The following PRR7 variants were observed in gnomAD, a reference collection of about 807,000 sequenced individuals.
PRR7 encodes the protein proline rich 7, synaptic.
PRR7 carries 8 observed loss-of-function variants against 18.5 expected under a neutral mutation model. The ratio of observed to expected loss-of-function variants is 0.43; its 90% CI spans 0.25 to 0.78. PRR7 has a LOEUF of 0.78. Among genes scored for constraint, PRR7 ranks in the 30% least tolerant of loss-of-function variants. PRR7 has a pLI of 0.22. For synonymous variants in PRR7, 221 were observed against 187.7 expected (o/e 1.18, Z -1.45); for missense variants, 396 against 403.1 (o/e 0.98, Z 0.15).
Position 177,456,239 on chromosome 5 carries a change from TTG to T in PRR7, c.*120_*121del, listed in dbSNP as rs1251400209. 2 of 1,006,580 alleles carry T rather than the reference TTG, an allele frequency of 2.0e-6. No homozygotes were observed. Among genetic ancestry groups the T allele is most frequent in the Non-Finnish European group, 2.7e-6 (2 of 728,854 alleles). The allele number at this position is 1,006,580 out of a possible 1,614,324, so 62.4% of individuals were successfully genotyped here. ...GGGAGGGAGGGATTTCTTATCCCGT[TTG>T]TTACATTTTGAGGATAATAAAGGTG... On this transcript the variant is annotated 3_prime_UTR_variant, in exon 4 of 4. Transcript: ENST00000323249.
At chr5:177,448,104 A>G (rs1317510918) in intron 1 of PRR7, among the ~76,000 whole-genome samples, 1 of 152,238 alleles carries the variant, frequency 6.6e-6, no homozygotes, top group African/African-American at 2.4e-5. Context: ...GGCCTGACTC[A>G]GCAGATGCCA....
Position 177,455,643 on chromosome 5 carries a change from GCGGGC to G in PRR7, c.428-80_428-76del. On this transcript the variant is annotated intron_variant, in intron 3 of 3. Transcript: ENST00000323249. This position sits in a 1 kb window ranked among gnomAD's most constrained non-coding sequence, Gnocchi z 6.9. The stretch of plus-strand genomic sequence containing the variant: ...CTCGGGTTCGGGCTAGGGCTGGGGC[GCGGGC>G]GGCCCCTGGCCGGGGCCTCTGCGAG... 7.0e-7 allele frequency: 1 copy of G among 1,422,496 alleles called. No homozygotes were observed. The highest frequency in any genetic ancestry group is 2.2e-4 in the Middle Eastern group (1 of 4,644). The allele number at this position is 1,422,496 out of a possible 1,614,324, so 88.1% of individuals were successfully genotyped here.
chr5:177,455,490 C>A lies in PRR7; in HGVS notation c.423C>A (p.Arg141=). ...SVPPRPWSYP[R]QAESDMSKPP... is the part of the protein sequence containing the mutation. ...CGCCACGGCCCTGGAGCTACCCGCG[C>A]CAAGGTGAGTACCGACCTCCGCCAG... Residue 141 remains arginine (R), a synonymous_variant, in exon 3 of 4, where the codon CGC becomes CGA. Coordinates refer to ENST00000323249, the MANE Select transcript of PRR7 (RefSeq NM_030567.5). The surrounding 1 kb of genome is among the most constrained non-coding windows in gnomAD (Gnocchi z 6.9). The A allele has an allele frequency of 6.7e-7, 1 of 1,496,538 alleles. No individual in the cohort carries two copies. Among genetic ancestry groups the A allele is most frequent in the South Asian group, 1.3e-5 (1 of 78,894 alleles). The allele number at this position is 1,496,538 out of a possible 1,614,324, so 92.7% of individuals were successfully genotyped here. A position where few individuals can be genotyped will look rare whatever the true frequency, so the allele number is the denominator to read the frequency against.
upstream of PRR7, chr5:177,446,651 TC>T (rs34476120): frequency 0.024 from 3,647 of 152,136 alleles, 67 homozygotes; most frequent in Admixed American, 0.033. The surrounding 1 kb of genome is among the most constrained non-coding windows in gnomAD (Gnocchi z 5.3). Context: ...GAACCGGGTC[TC>T]GGCGCCGCAG....
In PRR7 at chr5:177,455,621, G is replaced by C. The variant is rs1274023657; in HGVS notation, c.428-103G>C. On this transcript the variant is annotated intron_variant, in intron 3 of 3. Coordinates refer to ENST00000323249, the MANE Select transcript of PRR7 (RefSeq NM_030567.5). This position sits in a 1 kb window ranked among gnomAD's most constrained non-coding sequence, Gnocchi z 6.9. ...GGAGAACACGGGCGGCGGCGGGCTC[G>C]GGTTCGGGCTAGGGCTGGGGCGCGG... 5 of 1,400,684 alleles carry C rather than the reference G, an allele frequency of 3.6e-6. No homozygotes were observed. The highest frequency in any genetic ancestry group is 4.6e-6 in the Non-Finnish European group (5 of 1,077,772). 86.8% of individuals were successfully genotyped at this position (1,400,684 alleles called of 1,614,324 possible).
At position 177,454,490 on chromosome 5, in the gene PRR7, C is replaced by CA. The variant is rs1481048008; in HGVS notation, c.-239-338dup. Among the ~76,000 whole-genome samples, 1 of 152,160 alleles carries CA rather than the reference C, an allele frequency of 6.6e-6. No individual in the cohort carries two copies. Among genetic ancestry groups the CA allele is most frequent in the African/African-American group, 2.4e-5 (1 of 41,454 alleles). On this transcript the variant is annotated intron_variant, in intron 2 of 3. Transcript: ENST00000323249. The surrounding 1 kb of genome is among the most constrained non-coding windows in gnomAD (Gnocchi z 4.7). ...GACGCCTCTTCAGGGACCTGGTGCG[C>CA]ACAGGCTCCTGAAACCCTTTGGCCC...
Position 177,450,858 on chromosome 5 carries a change from C to A in PRR7, c.-324-3098C>A, listed in dbSNP as rs1049482875. On this transcript the variant is annotated intron_variant, in intron 1 of 3. Transcript: ENST00000323249. The surrounding 1 kb of genome is among the most constrained non-coding windows in gnomAD (Gnocchi z 6.6). ...CTGAATCCAGTACTGGGAATGGAGC[C>A]CAGCACTGTTTTAACAGCCTCCACG... 2.6e-5 allele frequency among the ~76,000 whole-genome samples: 4 copies of A among 152,206 alleles called. No homozygotes were observed. The highest frequency in any genetic ancestry group is 2.0e-4 in the Admixed American group (3 of 15,284).
intron 1 of PRR7, among the ~76,000 whole-genome samples, chr5:177,452,006 G>A (rs1433907410): frequency 6.6e-6 from 1 of 152,198 alleles, no homozygotes; most frequent in Non-Finnish European, 1.5e-5. Flanking sequence ...CTCACCAAGG[G>A]TCTCGCTTTC....
chr5:177,456,132 G>A lies in PRR7; in HGVS notation c.*11G>A, dbSNP rs942906520. The stretch of plus-strand genomic sequence containing the variant: ...ACTACAGCCGTATAGAGGGGCGCCC[G>A]GCGCCCCGGGCCCCACCGGCGGACT... On this transcript the variant is annotated 3_prime_UTR_variant, in exon 4 of 4. Coordinates refer to ENST00000323249, the MANE Select transcript of PRR7 (RefSeq NM_030567.5). 2.8e-6 allele frequency: 4 copies of A among 1,421,458 alleles called. No homozygotes were observed. The highest frequency in any genetic ancestry group is 1.5e-5 in the African/African-American group (1 of 66,752). The allele number at this position is 1,421,458 out of a possible 1,614,324, so 88.1% of individuals were successfully genotyped here. A position where few individuals can be genotyped will look rare whatever the true frequency, so the allele number is the denominator to read the frequency against.
At position 177,456,255 on chromosome 5, in the gene PRR7, A is replaced by C; in HGVS notation, c.*134A>C. On this transcript the variant is annotated 3_prime_UTR_variant, in exon 4 of 4. Coordinates refer to ENST00000323249, the MANE Select transcript of PRR7 (RefSeq NM_030567.5). ...TTATCCCGTTTGTTACATTTTGAGG[A>C]TAATAAAGGTGTGTGATCTGGTTTG... is the stretch of plus-strand genomic sequence containing the variant. 1.8e-5 allele frequency: 20 copies of C among 1,131,466 alleles called. No individual in the cohort carries two copies. Among genetic ancestry groups the C allele is most frequent in the Non-Finnish European group, 2.3e-5 (19 of 843,740 alleles). The allele number at this position is 1,131,466 out of a possible 1,614,324, so 70.1% of individuals were successfully genotyped here.
Position 177,456,011 on chromosome 5 carries a change from G to C in PRR7, c.715G>C (p.Val239Leu). 6.3e-7 allele frequency: 1 copy of C among 1,580,932 alleles called. No homozygotes were observed. The highest frequency in any genetic ancestry group is 8.6e-7 in the Non-Finnish European group (1 of 1,168,680). The change falls in exon 4 of 4, where the codon GTC becomes CTC. Residue 239 changes from valine to leucine, a missense_variant. Physicochemically the swap from Val to Leu is conservative, Grantham distance 32. Coordinates refer to ENST00000323249, the MANE Select transcript of PRR7 (RefSeq NM_030567.5). ...LCLQADRGRR[V>L]FPSWTDSELS... ...CCTGCAGGCCGACCGTGGCCGCCGG[G>C]TCTTCCCCAGCTGGACCGACTCAGA...
At position 177,449,857 on chromosome 5, in the gene PRR7, G is replaced by A. The variant is rs1756102711; in HGVS notation, c.-325+2897G>A. Among the ~76,000 whole-genome samples, 3 of 152,138 alleles carry A rather than the reference G, an allele frequency of 2.0e-5. No homozygotes were observed. Among genetic ancestry groups the A allele is most frequent in the Admixed American group, 6.5e-5 (1 of 15,284 alleles). On this transcript the variant is annotated intron_variant, in intron 1 of 3. Coordinates refer to ENST00000323249, the MANE Select transcript of PRR7 (RefSeq NM_030567.5). This position sits in a 1 kb window ranked among gnomAD's most constrained non-coding sequence, Gnocchi z 4.2. ...CAGTACCCTGGCCTAGGCGGAGGGC[G>A]GTTCTGGCCAGCTCCAAGCCTGGCT...
At chr5:177,447,344 G>T (rs908824854) in intron 1 of PRR7, among the ~76,000 whole-genome samples, 3 of 152,132 alleles carry the variant, frequency 2.0e-5, no homozygotes, top group Non-Finnish European at 2.9e-5. Context: ...CGCCCCTCTG[G>T]CCCGGCTGGG....
At position 177,454,976 on chromosome 5, in the gene PRR7, C is replaced by A; in HGVS notation, c.-92C>A. On this transcript the variant is annotated 5_prime_UTR_variant, in exon 3 of 4. Transcript: ENST00000323249. The surrounding 1 kb of genome is among the most constrained non-coding windows in gnomAD (Gnocchi z 4.7). ...GCCGCGGGTCCCCGAGTGACGCTGG[C>A]GGCACCTGAGAGTGTGGCGCGGGCC... 1 of 1,342,300 alleles carries A rather than the reference C, an allele frequency of 7.4e-7. No individual in the cohort carries two copies. The highest frequency in any genetic ancestry group is 2.2e-5 in the South Asian group (1 of 45,194). 83.1% of individuals were successfully genotyped at this position (1,342,300 alleles called of 1,614,324 possible).
chr5:177,453,254 G>C (rs1756241495), intron 1 of PRR7, among the ~76,000 whole-genome samples: 1 of 152,234 alleles, frequency 6.6e-6, no homozygotes. Flanking sequence ...TTCCTGCCTG[G>C]CAGACCGGGG....
intron 1 of PRR7, among the ~76,000 whole-genome samples, chr5:177,452,424 C>T (rs117845735): frequency 6.6e-6 from 1 of 152,310 alleles, no homozygotes; most frequent in East Asian, 1.9e-4. Context: ...CAAGTCTGGC[C>T]TGGTCAGGTA....
Position 177,455,759 on chromosome 5 carries a change from G to A in PRR7, c.463G>A (p.Glu155Lys). Residue 155 changes from glutamate to lysine, a missense_variant, in exon 4 of 4, where the codon GAG (glutamate) becomes AAG (lysine). Coordinates refer to ENST00000323249, the MANE Select transcript of PRR7 (RefSeq NM_030567.5). The surrounding 1 kb of genome is among the most constrained non-coding windows in gnomAD (Gnocchi z 6.9). ...CATGTCCAAACCACCGTGTTACGAAGAGGCGGTGCTGATGGCAGAGCCGCC... is the reference window on the plus strand; with the variant it reads ...CATGTCCAAACCACCGTGTTACGAAAAGGCGGTGCTGATGGCAGAGCCGCC... ...SDMSKPPCYE[E>K]AVLMAEPPPP... 6.2e-7 allele frequency: 1 copy of A among 1,608,492 alleles called. No homozygotes were observed. The highest frequency in any genetic ancestry group is 2.2e-5 in the East Asian group (1 of 44,650).
At position 177,456,008 on chromosome 5, in the gene PRR7, C is replaced by A; in HGVS notation, c.712C>A (p.Arg238=). 6.3e-7 allele frequency: 1 copy of A among 1,580,844 alleles called. No homozygotes were observed. Among genetic ancestry groups the A allele is most frequent in the East Asian group, 2.3e-5 (1 of 43,424 alleles). The part of the protein sequence containing the change: ...ALCLQADRGR[R]VFPSWTDSEL... ...CTGCCTGCAGGCCGACCGTGGCCGCCGGGTCTTCCCCAGCTGGACCGACTC... is the reference window on the plus strand; with the variant it reads ...CTGCCTGCAGGCCGACCGTGGCCGCAGGGTCTTCCCCAGCTGGACCGACTC... Residue 238 remains arginine (R), a synonymous_variant, in exon 4 of 4, where the codon CGG becomes AGG. Transcript: ENST00000323249.
Position 177,454,987 on chromosome 5 carries a change from A to T in PRR7, c.-81A>T, listed in dbSNP as rs539107765. On this transcript the variant is annotated 5_prime_UTR_variant, in exon 3 of 4. Transcript: ENST00000323249. This position sits in a 1 kb window ranked among gnomAD's most constrained non-coding sequence, Gnocchi z 4.7. ...CCGAGTGACGCTGGCGGCACCTGAG[A>T]GTGTGGCGCGGGCCCGGGGCCACGC... The T allele has an allele frequency of 5.1e-6, 7 of 1,363,832 alleles. No homozygotes were observed. In the African/African-American group the frequency reaches 9.0e-5, roughly 18 times the overall value. 84.5% of individuals were successfully genotyped at this position (1,363,832 alleles called of 1,614,324 possible). A position where few individuals can be genotyped will look rare whatever the true frequency, so the allele number is the denominator to read the frequency against.
Sources: gnomAD v4.1 joint callset for allele counts (sites outside exome capture counted in the v4.1 genomes callset) on GRCh38, gnomAD v4.1.1 for gene constraint, Gnocchi (gnomAD v3.1) non-coding constraint, MANE v1.5 for transcripts, NCBI Gene and HGNC (gene_info 2026-07-23, HGNC 2026-07-21) for gene names.